The following KCNQ5 variants were observed in gnomAD, a reference collection of about 807,000 sequenced individuals.
The protein encoded by KCNQ5 is potassium voltage-gated channel subfamily Q member 5.
In KCNQ5, 30 loss-of-function variants were observed where a neutral mutation model predicts 98.2. That is an observed-to-expected ratio of 0.31 (90% CI 0.23 to 0.41). The LOEUF is 0.41. Ranked by LOEUF, KCNQ5 falls within the 10% of genes least tolerant of loss-of-function variation. KCNQ5 has a pLI of 1.00. For synonymous variants in KCNQ5, 458 were observed against 449.4 expected (o/e 1.02, Z -0.24); for missense variants, 835 against 1,182.5 (o/e 0.71, Z 4.31).
intron 1 of KCNQ5, among the ~76,000 whole-genome samples, chr6:72,775,149 A>G (rs1269835985): frequency 1.3e-5 from 2 of 152,176 alleles, no homozygotes; most frequent in Non-Finnish European, 2.9e-5. Flanking sequence ...ACAACTATAC[A>G]TATGGAAAGA....
chr6:72,734,423 G>A (rs551612884), intron 1 of KCNQ5, among the ~76,000 whole-genome samples: 2 of 152,138 alleles, frequency 1.3e-5, no homozygotes, highest in South Asian at 2.1e-4. Flanking sequence ...CCGGGTTCAC[G>A]CCATTCTCCT....
chr6:72,750,676 T>G (rs1451458407), intron 1 of KCNQ5, among the ~76,000 whole-genome samples: 2 of 152,042 alleles, frequency 1.3e-5, no homozygotes, highest in Non-Finnish European at 2.9e-5. Flanking sequence ...TTTGATACAT[T>G]AAAATATCTT....
At chr6:72,724,325 T>TAATATTTTTAAAGGA (rs1770144174) in intron 1 of KCNQ5, among the ~76,000 whole-genome samples, 1 of 152,224 alleles carries the variant, frequency 6.6e-6, no homozygotes, top group Non-Finnish European at 1.5e-5. Context: ...CCTTGTCATT[T>TAATATTTTTAAAGGA]AATATTTTTA....
chr6:72,882,960 T>A (rs1210776410), intron 1 of KCNQ5, among the ~76,000 whole-genome samples: 1 of 152,210 alleles, frequency 6.6e-6, no homozygotes, highest in Non-Finnish European at 1.5e-5. Flanking sequence ...TCCCATTTTA[T>A]CTTCAACTTG....
chr6:73,124,966 TATATATATATATATACAC>T (rs1343997562), intron 9 of KCNQ5, among the ~76,000 whole-genome samples: 5 of 20,144 alleles, frequency 2.5e-4, no homozygotes, highest in Admixed American at 1.9e-3. Flanking sequence ...TATATATATA[TATATATATATATATACAC>T]ACACACACAT....
chr6:73,121,805 T>A (rs1478221244), intron 8 of KCNQ5, among the ~76,000 whole-genome samples: 1 of 152,226 alleles, frequency 6.6e-6, no homozygotes, highest in Non-Finnish European at 1.5e-5. Flanking sequence ...TACTTCCCTG[T>A]TCTGCCCTTG....
intron 1 of KCNQ5, among the ~76,000 whole-genome samples, chr6:72,635,697 T>C (rs990257073): frequency 4.9e-5 from 7 of 143,364 alleles, no homozygotes; most frequent in African/African-American, 1.6e-4. Flanking sequence ...TTTTTTTTCC[T>C]TTCTCTCTGT....
chr6:72,768,172 G>A, intron 1 of KCNQ5, among the ~76,000 whole-genome samples: 1 of 151,944 alleles, frequency 6.6e-6, no homozygotes, highest in Non-Finnish European at 1.5e-5. Context: ...AAGAGGAATT[G>A]GGCAGTGACT....
intron 1 of KCNQ5, among the ~76,000 whole-genome samples, chr6:72,723,137 T>A (rs1770063774): frequency 6.6e-6 from 1 of 152,174 alleles, no homozygotes; most frequent in African/African-American, 2.4e-5. Context: ...ATTACAGGCA[T>A]GAGCCACCAC....
chr6:72,869,785 A>G (rs1168144963), intron 1 of KCNQ5, among the ~76,000 whole-genome samples: 1 of 152,184 alleles, frequency 6.6e-6, no homozygotes, highest in African/African-American at 2.4e-5. Context: ...GATATTCCCC[A>G]CAGGGGGAGC....
At chr6:73,133,953 A>G in intron 10 of KCNQ5, 1 of 505,054 alleles carries the variant, frequency 2.0e-6, no homozygotes, top group Non-Finnish European at 4.0e-6. Flanking sequence ...TGGGACTGTC[A>G]TTCTGATGTA....
At chr6:72,790,969 T>A (rs2154478244) in intron 1 of KCNQ5, among the ~76,000 whole-genome samples, 1 of 152,238 alleles carries the variant, frequency 6.6e-6, no homozygotes, top group Middle Eastern at 3.4e-3. Context: ...GGTCTGGAGG[T>A]AACAATGGCA....
At chr6:72,726,539 A>G (rs866115661) in intron 1 of KCNQ5, among the ~76,000 whole-genome samples, 3 of 152,188 alleles carry the variant, frequency 2.0e-5, no homozygotes, top group Non-Finnish European at 4.4e-5. Context: ...ATATTGCCAT[A>G]TTCTCACAAC....
intron 10 of KCNQ5, among the ~76,000 whole-genome samples, chr6:73,156,135 A>T (rs1386943134): frequency 2.0e-5 from 3 of 152,216 alleles, no homozygotes; most frequent in Non-Finnish European, 4.4e-5. Flanking sequence ...GGTTTTGAGA[A>T]ATGATAGCAG....
intron 1 of KCNQ5, among the ~76,000 whole-genome samples, chr6:72,856,471 T>TACACAC (rs3035183): frequency 0.012 from 1,732 of 148,994 alleles, 22 homozygotes; most frequent in African/African-American, 0.021. Flanking sequence ...CACACATATA[T>TACACAC]ACACACACAC....
intron 1 of KCNQ5, among the ~76,000 whole-genome samples, chr6:72,648,011 A>C (rs1320403802): frequency 1.3e-5 from 2 of 152,140 alleles, no homozygotes; most frequent in Non-Finnish European, 2.9e-5. Flanking sequence ...TATGTAACAA[A>C]CCCACTCCCA....
At chr6:72,850,690 G>A (rs914225661) in intron 1 of KCNQ5, among the ~76,000 whole-genome samples, 2 of 152,148 alleles carry the variant, frequency 1.3e-5, no homozygotes, top group African/African-American at 4.8e-5. Flanking sequence ...AGCCATAGCT[G>A]GAGCTTCTCT....
At chr6:73,132,343 A>G (rs920266542) in intron 9 of KCNQ5, among the ~76,000 whole-genome samples, 2 of 152,052 alleles carry the variant, frequency 1.3e-5, no homozygotes, top group Admixed American at 1.3e-4. Context: ...GGCCTCTCAC[A>G]TTGATGACAG....
intron 1 of KCNQ5, among the ~76,000 whole-genome samples, chr6:72,814,126 A>G (rs1258848437): frequency 1.3e-5 from 2 of 152,234 alleles, no homozygotes; most frequent in Non-Finnish European, 2.9e-5. Flanking sequence ...CCACTGATGC[A>G]CAACATTTTG....
Sources: allele counts gnomAD v4.1 joint callset (sites outside exome capture counted in the v4.1 genomes callset), GRCh38; gene constraint gnomAD v4.1.1; transcripts MANE v1.5; gene names NCBI Gene and HGNC (gene_info 2026-07-23, HGNC 2026-07-21).